The following APOL4 variants were observed in gnomAD, a reference collection of about 807,000 sequenced individuals.
The protein encoded by APOL4 is apolipoprotein L4.
APOL4 carries 14 observed loss-of-function variants against 12.1 expected under a neutral mutation model. That is an observed-to-expected ratio of 1.16 (90% CI 0.76 to 1.81). The LOEUF (loss-of-function observed/expected upper bound fraction) is 1.81. Among genes scored for constraint, APOL4 ranks in the 40% most tolerant of loss-of-function variants. The probability of loss-of-function intolerance (pLI) is 0.00; values close to 1 mark genes in which losing one functional copy is unlikely to be tolerated. For synonymous variants in APOL4, 171 were observed against 160.6 expected (o/e 1.06, Z -0.49); for missense variants, 432 against 423.1 (o/e 1.02, Z -0.18).
At chr22:36,201,868 TC>T, upstream of APOL4, 16 of 1,582,456 alleles carry the variant, frequency 1.0e-5, no homozygotes, top group Non-Finnish European at 1.4e-5. Flanking sequence ...GTTGGTCAAT[TC>T]CGGGAAGTGA....
chr22:36,202,044 C>T (rs200055263), upstream of APOL4: 11 of 1,614,008 alleles, frequency 6.8e-6, no homozygotes, highest in Middle Eastern at 1.7e-4. Context: ...CATGTCGCTG[C>T]GGGGCCTCCT....
intron 3 of APOL4, among the ~76,000 whole-genome samples, chr22:36,192,352 T>C (rs759705947): frequency 6.6e-6 from 1 of 152,000 alleles, no homozygotes; most frequent in Non-Finnish European, 1.5e-5. Context: ...AAAAAAATAA[T>C]AATAATAATT....
At chr22:36,202,055 C>T (rs187573491), upstream of APOL4, 1,242 of 1,613,984 alleles carry the variant, frequency 7.7e-4, 5 homozygotes, top group Non-Finnish European at 7.4e-4. Context: ...GGGGCCTCCT[C>T]CTTGGGCAGG....
chr22:36,204,016 G>A (rs141719079), upstream of APOL4, among the ~76,000 whole-genome samples: 455 of 152,288 alleles, frequency 3.0e-3, 2 homozygotes, highest in African/African-American at 0.01. Flanking sequence ...CAGACATGGA[G>A]TCCTATGATC....
chr22:36,195,542 A>G (rs558321209), intron 2 of APOL4, 105 bp from the exon 3 acceptor site: 5 of 1,354,364 alleles, frequency 3.7e-6, no homozygotes, highest in African/African-American at 1.5e-5. Flanking sequence ...CAGCTGTCAC[A>G]TGGGGTATTT....
rs771656803 is a variant in APOL4 at position 36,195,323 on chromosome 22, G to A, written c.197C>T (p.Ala66Val). Residue 66 changes from alanine (A) to valine (V), a missense_variant, in exon 3 of 4, where the codon GCT becomes GTT. Coordinates refer to ENST00000683024, the MANE Select transcript of APOL4 (RefSeq NM_001386885.1). ...DEAWKRFVRV[A>V]ELPREEADAL... ...CCATGGAGGTTACCTGGGCAATTCA[G>A]CCACACGCACAAATCTCTTCCAGGC... 5.6e-6 allele frequency: 9 copies of A among 1,613,834 alleles called. No individual in the cohort carries two copies. In the African/African-American group the frequency reaches 6.7e-5, roughly 12 times the overall value.
intron 1 of APOL4, chr22:36,199,718 T>A: frequency 1.4e-6 from 2 of 1,423,266 alleles, no homozygotes; most frequent in Non-Finnish European, 1.9e-6. Flanking sequence ...GTTCTAACAA[T>A]GACCGGAAAC....
intron 2 of APOL4, chr22:36,197,665 C>T: frequency 6.5e-7 from 1 of 1,549,932 alleles, no homozygotes; most frequent in Non-Finnish European, 8.7e-7. Flanking sequence ...ACAGCTTAAC[C>T]TCGGCCAGTC....
intron 2 of APOL4, among the ~76,000 whole-genome samples, chr22:36,195,766 TCTCTCTCTCTCA>T (rs2014388817): frequency 8.7e-6 from 1 of 114,990 alleles, no homozygotes; most frequent in African/African-American, 2.8e-5. Flanking sequence ...TCTCTCTCTC[TCTCTCTCTCTCA>T]CACACACACA....
chr22:36,195,585 G>C (rs1354246764), intron 2 of APOL4, 148 bp from the exon 3 acceptor site: 3 of 850,996 alleles, frequency 3.5e-6, no homozygotes, highest in African/African-American at 3.5e-5. Context: ...AGACTGAATT[G>C]TGTGCCCCCC....
chr22:36,195,501 A>T, intron 2 of APOL4, 64 bp from the exon 3 acceptor site: 1 of 1,568,952 alleles, frequency 6.4e-7, no homozygotes, highest in Non-Finnish European at 8.6e-7. Flanking sequence ...GGCATTGAGT[A>T]TAAGGTGGTT....
intron 2 of APOL4, chr22:36,197,696 G>C: frequency 6.4e-7 from 1 of 1,550,466 alleles, no homozygotes; most frequent in South Asian, 1.2e-5. Flanking sequence ...AGCTGACAGA[G>C]GGCCATGCTG....
upstream of APOL4, among the ~76,000 whole-genome samples, chr22:36,204,407 A>C (rs1023763942): frequency 2.0e-5 from 3 of 151,986 alleles, no homozygotes; most frequent in Non-Finnish European, 4.4e-5. Flanking sequence ...CATCTGAGCT[A>C]TTTCCCCACC....
In APOL4 at chr22:36,195,300, A is replaced by G. The variant is rs1182890881; in HGVS notation, c.209+11T>C. On this transcript the variant is annotated intron_variant, in intron 3 of 3. Transcript: ENST00000683024. ...CGGGGTGCCCCAAGGAGGTAACCCCATGGAGGTTACCTGGGCAATTCAGCC... is the reference window on the plus strand; with the variant it reads ...CGGGGTGCCCCAAGGAGGTAACCCCGTGGAGGTTACCTGGGCAATTCAGCC... 4 of 1,613,150 alleles carry G rather than the reference A, an allele frequency of 2.5e-6. No homozygotes were observed. The highest frequency in any genetic ancestry group is 3.3e-5 in the Admixed American group (2 of 59,948).
chr22:36,195,151 C>T (rs779862874), intron 3 of APOL4, 160 bp downstream of exon 3: 111 of 922,042 alleles, frequency 1.2e-4, no homozygotes, highest in Non-Finnish European at 1.5e-4. Flanking sequence ...GCCAGCGAAG[C>T]ACTTGGAGGA....
At chr22:36,196,772 C>T (rs2014423128) in intron 2 of APOL4, among the ~76,000 whole-genome samples, 3 of 152,338 alleles carry the variant, frequency 2.0e-5, no homozygotes, top group South Asian at 2.1e-4. Context: ...CCACCCAACC[C>T]AGCAAGCAGG....
chr22:36,197,565 C>T (rs2014447050), intron 2 of APOL4: 3 of 1,412,150 alleles, frequency 2.1e-6, no homozygotes, highest in South Asian at 3.3e-5. Flanking sequence ...ACCAACCAGA[C>T]CTTCAGAACA....
rs370755664 is a variant in APOL4 at position 36,191,299 on chromosome 22, G to A, written c.823C>T (p.Arg275Cys). Reference protein sequence around the residue: ...PINVVETLRTRGAPTRIVRKV... With the variant: ...PINVVETLRTCGAPTRIVRKV... Reference sequence around the variant, plus strand: ...CTCACTATCCGGGTGGGGGCCCCACGTGTTCTCAGTGTCTCAACAACATTT... The same window carrying A: ...CTCACTATCCGGGTGGGGGCCCCACATGTTCTCAGTGTCTCAACAACATTT... Residue 275 changes from arginine (R) to cysteine (C), a missense_variant, in exon 4 of 4, where the codon CGT (arginine) becomes TGT (cysteine). Transcript: ENST00000683024. 78 of 1,613,922 alleles carry A rather than the reference G, an allele frequency of 4.8e-5. No individual in the cohort carries two copies. The highest frequency in any genetic ancestry group is 6.3e-5 in the Non-Finnish European group (74 of 1,179,886).
intron 1 of APOL4, 69 bp from the exon 2 acceptor site, chr22:36,199,445 G>T: frequency 6.2e-7 from 1 of 1,613,018 alleles, no homozygotes; most frequent in Non-Finnish European, 8.5e-7. Flanking sequence ...GGCTTGAACA[G>T]CTGGGCCTCT....
Sources: allele counts gnomAD v4.1 joint callset (sites outside exome capture counted in the v4.1 genomes callset), GRCh38; gene constraint gnomAD v4.1.1; transcripts MANE v1.5; gene names NCBI Gene and HGNC (gene_info 2026-07-23, HGNC 2026-07-21).